Variants in EYA1 observed in about 807,000 individuals in gnomAD.
EYA1 encodes the protein protein phosphatase EYA1.
A neutral mutation model predicts 82.0 loss-of-function variants in EYA1; 16 were observed. The observed-to-expected ratio is 0.20, with a 90% confidence interval of 0.13 to 0.30. The LOEUF is 0.30. Among genes scored for constraint, EYA1 ranks in the 10% least tolerant of loss-of-function variants. The probability of loss-of-function intolerance (pLI) is 1.00; values close to 1 mark genes in which losing one functional copy is unlikely to be tolerated. For missense variants in EYA1, 633 were observed against 730.7 expected (o/e 0.87, Z 1.54); for synonymous variants, 261 against 264.4 (o/e 0.99, Z 0.12).
At chr8:71,406,364 G>A (rs893965655) in intron 2 of EYA1, among the ~76,000 whole-genome samples, 1 of 152,154 alleles carries the variant, frequency 6.6e-6, no homozygotes, top group Non-Finnish European at 1.5e-5. Flanking sequence ...TGTTGTTGAG[G>A]GAGGAGCCAA....
chr8:71,341,238 C>A (rs767795032), intron 3 of EYA1, among the ~76,000 whole-genome samples: 6 of 152,088 alleles, frequency 3.9e-5, no homozygotes, highest in Non-Finnish European at 8.8e-5. Context: ...GGTATTGCTG[C>A]AAATAAGCCT....
intron 12 of EYA1, among the ~76,000 whole-genome samples, chr8:71,232,555 G>A (rs774348284): frequency 4.6e-5 from 7 of 152,240 alleles, no homozygotes; most frequent in Non-Finnish European, 8.8e-5. Flanking sequence ...ACTGCCAACA[G>A]CACACCTCCC....
chr8:71,412,406 AAAAAT>A (rs530038660), intron 2 of EYA1, among the ~76,000 whole-genome samples: 32,789 of 121,378 alleles, frequency 0.27, 4,066 homozygotes, highest in Middle Eastern at 0.44. Context: ...AAATAAAATA[AAAAAT>A]AAAATAAAAT....
At chr8:71,424,116 C>T (rs371950951) in intron 2 of EYA1, among the ~76,000 whole-genome samples, 31 of 152,086 alleles carry the variant, frequency 2.0e-4, no homozygotes, top group African/African-American at 6.5e-4. Context: ...AAATATTCAC[C>T]GTCTGTCACA....
chr8:71,470,491 T>A (rs1431162735), intron 2 of EYA1, among the ~76,000 whole-genome samples: 1 of 152,058 alleles, frequency 6.6e-6, no homozygotes, highest in South Asian at 2.1e-4. Flanking sequence ...GGTGCAAAAG[T>A]AGTCGAGCTT....
At chr8:71,261,816 C>A (rs190097336) in intron 11 of EYA1, among the ~76,000 whole-genome samples, 2 of 152,184 alleles carry the variant, frequency 1.3e-5, no homozygotes, top group Admixed American at 1.3e-4. Flanking sequence ...TAAATCCAGT[C>A]GAAAGACCTA....
At chr8:71,304,187 T>G (rs928623756) in intron 7 of EYA1, among the ~76,000 whole-genome samples, 4 of 142,536 alleles carry the variant, frequency 2.8e-5, no homozygotes, top group African/African-American at 9.9e-5. Flanking sequence ...CATTTTTGAG[T>G]GCTTACATTG....
intron 2 of EYA1, among the ~76,000 whole-genome samples, chr8:71,489,824 G>A (rs1437765669): frequency 6.6e-6 from 1 of 152,240 alleles, no homozygotes; most frequent in Admixed American, 6.5e-5. Context: ...TGACAATGCT[G>A]CAACCACATC....
Position 71,446,356 on chromosome 8 carries a change from C to T in EYA1, c.33+89388G>A, listed in dbSNP as rs996516126. 2.6e-4 allele frequency among the ~76,000 whole-genome samples: 40 copies of T among 152,062 alleles called. 1 individual carries two copies. The highest frequency in any genetic ancestry group is 9.4e-4 in the African/African-American group (39 of 41,454). On this transcript the variant is annotated intron_variant, in intron 2 of 18. Transcript: ENST00000643681. ...GATGGTTTTATGAGTTTGACAGTTC[C>T]GCCTTCACACGCTCACTATCTCCTG...
chr8:71,269,330 A>G (rs1816237638), intron 11 of EYA1, among the ~76,000 whole-genome samples: 1 of 152,226 alleles, frequency 6.6e-6, no homozygotes, highest in African/African-American at 2.4e-5. Flanking sequence ...AAGATAAAAT[A>G]CCAAAGCTTC....
chr8:71,420,648 G>A (rs1311858511), intron 2 of EYA1, among the ~76,000 whole-genome samples: 1 of 152,112 alleles, frequency 6.6e-6, no homozygotes, highest in Non-Finnish European at 1.5e-5. Flanking sequence ...ATTGATAGCT[G>A]AGTCATGAGG....
chr8:71,537,752 G>A (rs1814822826), intron 1 of EYA1, among the ~76,000 whole-genome samples: 1 of 152,040 alleles, frequency 6.6e-6, no homozygotes, highest in South Asian at 2.1e-4. Context: ...GATATTCCAG[G>A]ATTATTTTCC....
At chr8:71,248,883 G>A (rs1171704211) in intron 11 of EYA1, among the ~76,000 whole-genome samples, 2 of 152,008 alleles carry the variant, frequency 1.3e-5, no homozygotes, top group African/African-American at 2.4e-5. Flanking sequence ...TTAAGAACAA[G>A]GAAAAAAACA....
chr8:71,316,642 T>A (rs1195913203), intron 7 of EYA1, among the ~76,000 whole-genome samples: 1 of 152,178 alleles, frequency 6.6e-6, no homozygotes, highest in East Asian at 1.9e-4. Context: ...ACAAATATTA[T>A]TAATGTAATG....
At chr8:71,281,041 G>A (rs1488808959) in intron 9 of EYA1, among the ~76,000 whole-genome samples, 1 of 152,166 alleles carries the variant, frequency 6.6e-6, no homozygotes, top group African/African-American at 2.4e-5. Flanking sequence ...ATAGGCATGA[G>A]CCACCATGCC....
At chr8:71,251,171 G>A (rs894550874) in intron 11 of EYA1, among the ~76,000 whole-genome samples, 1 of 152,212 alleles carries the variant, frequency 6.6e-6, no homozygotes, top group Admixed American at 6.5e-5. Context: ...AAACTCAGTA[G>A]TGGTATGTAT....
chr8:71,301,965 C>T (rs1265814173), intron 7 of EYA1, among the ~76,000 whole-genome samples: 4 of 151,758 alleles, frequency 2.6e-5, no homozygotes, highest in Non-Finnish European at 4.4e-5. Flanking sequence ...TCTTTACGTG[C>T]ATATCAGTGA....
At chr8:71,334,433 T>G (rs1824255125) in intron 3 of EYA1, 2 of 485,790 alleles carry the variant, frequency 4.1e-6, no homozygotes, top group South Asian at 4.2e-5. Flanking sequence ...TCATCATTGT[T>G]TTACATATTT....
At chr8:71,252,698 G>A (rs1813894581) in intron 11 of EYA1, among the ~76,000 whole-genome samples, 1 of 152,168 alleles carries the variant, frequency 6.6e-6, no homozygotes, top group African/African-American at 2.4e-5. Flanking sequence ...ATACTCTGAA[G>A]ATCTAGGAAC....
Sources: gnomAD v4.1 joint callset for allele counts (sites outside exome capture counted in the v4.1 genomes callset) on GRCh38, gnomAD v4.1.1 for gene constraint, MANE v1.5 for transcripts, NCBI Gene and HGNC (gene_info 2026-07-23, HGNC 2026-07-21) for gene names.